Variants in SIK3 observed in about 807,000 individuals in gnomAD.
SIK3 encodes the protein serine/threonine-protein kinase SIK3.
In SIK3, 28 loss-of-function variants were observed where a neutral mutation model predicts 144.2. The observed-to-expected ratio is 0.19, with a 90% CI of 0.14 to 0.27. SIK3 has a LOEUF of 0.27. Among genes scored for constraint, SIK3 ranks in the 10% least tolerant of loss-of-function variants. SIK3 has a pLI of 1.00. For missense variants in SIK3, 1,319 were observed against 1,776.0 expected (o/e 0.74, Z 4.62); for synonymous variants, 686 against 676.3 (o/e 1.01, Z -0.22).
intron 6 of SIK3, among the ~76,000 whole-genome samples, chr11:116,881,880 T>A (rs1944570206): frequency 6.6e-6 from 1 of 152,204 alleles, no homozygotes; most frequent in South Asian, 2.1e-4. Context: ...AATACTATTA[T>A]CTCAATTTTA....
At chr11:117,055,455 T>C (rs1471593001) in intron 1 of SIK3, among the ~76,000 whole-genome samples, 2 of 152,226 alleles carry the variant, frequency 1.3e-5, no homozygotes, top group African/African-American at 2.4e-5. Flanking sequence ...AAGTAAATCA[T>C]TCCGTGTCTC....
intron 1 of SIK3, among the ~76,000 whole-genome samples, chr11:116,992,034 A>G (rs1950514504): frequency 6.6e-6 from 1 of 152,110 alleles, no homozygotes; most frequent in Non-Finnish European, 1.5e-5. Context: ...TACATACAAA[A>G]AACTCGTGGC....
intron 1 of SIK3, among the ~76,000 whole-genome samples, chr11:117,048,891 A>G (rs1440847174): frequency 3.3e-5 from 5 of 151,882 alleles, no homozygotes; most frequent in Non-Finnish European, 7.4e-5. Flanking sequence ...TCATGAGGTC[A>G]GGAGTTCGAG....
Position 117,001,575 on chromosome 11 carries a change from T to C in SIK3, c.274-44511A>G, listed in dbSNP as rs141396091. Among the ~76,000 whole-genome samples the C allele has an allele frequency of 4.9e-4, 75 of 152,172 alleles. No individual in the cohort carries two copies. In the East Asian group the frequency reaches 0.014, roughly 29 times the overall value. On this transcript the variant is annotated intron_variant, in intron 1 of 24. Coordinates refer to ENST00000445177, the MANE Select transcript of SIK3 (RefSeq NM_001366686.3). Reference sequence around the variant, plus strand: ...GGCTCACGTCTATAGTCCCAGCTACTTGGGAGGCTGAGACAAGAGAATCAC... The same window carrying C: ...GGCTCACGTCTATAGTCCCAGCTACCTGGGAGGCTGAGACAAGAGAATCAC...
At chr11:116,947,569 A>ATGTATGTAT (rs374241141) in intron 3 of SIK3, among the ~76,000 whole-genome samples, 34 of 109,448 alleles carry the variant, frequency 3.1e-4, no homozygotes, top group African/African-American at 1.0e-3. Context: ...GTATGTATGT[A>ATGTATGTAT]TTTTTTTTTT....
chr11:116,971,822 C>T (rs1949771933), intron 1 of SIK3, among the ~76,000 whole-genome samples: 2 of 152,112 alleles, frequency 1.3e-5, no homozygotes, highest in Admixed American at 6.6e-5. Flanking sequence ...GGCGTGGTGG[C>T]TCACGCCTGT....
intron 1 of SIK3, among the ~76,000 whole-genome samples, chr11:117,062,113 T>A (rs1057315362): frequency 9.9e-5 from 15 of 151,870 alleles, no homozygotes. Flanking sequence ...TCATTTGAGG[T>A]CAGGAGTTCA....
Position 116,894,348 on chromosome 11 carries a change from A to C in SIK3, c.865+1905T>G, listed in dbSNP as rs374650561. Among the ~76,000 whole-genome samples, 5 of 152,206 alleles carry C rather than the reference A, an allele frequency of 3.3e-5. 1 individual carries two copies. The highest frequency in any genetic ancestry group is 1.2e-4 in the African/African-American group (5 of 41,446). The stretch of plus-strand genomic sequence containing the variant: ...GATTCCAAACATACATCCCCAACCC[A>C]GAATTCTCTCCTAAATGCGACTGCC... On this transcript the variant is annotated intron_variant, in intron 6 of 24. Transcript: ENST00000445177.
chr11:116,857,909 A>T lies in SIK3; in HGVS notation c.3556T>A (p.Ser1186Thr). The change falls in exon 21 of 25, where the codon TCT (serine) becomes ACT (threonine). Residue 1186 changes from serine (S) to threonine (T), a missense_variant. Around this residue, in one of 8 missense-constraint regions of SIK3, gnomAD observed 646 missense variants for 763.7 expected, o/e 0.85. Coordinates refer to ENST00000445177, the MANE Select transcript of SIK3 (RefSeq NM_001366686.3). ...LSTGGPGDPE[S>T]LLGTVSHAQE... ...GCATGACTCACAGTTCCTAGCAAAG[A>T]TTCAGGGTCCCCAGGTCCACCGGTA... is the stretch of plus-strand genomic sequence containing the variant. 1 of 1,614,144 alleles carries T rather than the reference A, an allele frequency of 6.2e-7. No homozygotes were observed. The highest frequency in any genetic ancestry group is 8.5e-7 in the Non-Finnish European group (1 of 1,180,026).
In SIK3 at chr11:116,844,648, T is replaced by C. The variant is rs1424501463; in HGVS notation, c.*995A>G. ...ATATATAATATATTATATTATATAT[T>C]ATATATATAATATATATATACACAT... On this transcript the variant is annotated 3_prime_UTR_variant, in exon 25 of 25. Coordinates refer to ENST00000445177, the MANE Select transcript of SIK3 (RefSeq NM_001366686.3). The C allele has an allele frequency of 3.0e-5, 3 of 99,962 alleles. No individual in the cohort carries two copies. The highest frequency in any genetic ancestry group is 5.5e-5 in the Non-Finnish European group (3 of 54,186). The allele number at this position is 99,962 out of a possible 1,614,324, so 6.2% of individuals were successfully genotyped here.
rs1259439968 is a variant in SIK3, at chr11:117,098,212, G to A, written c.204C>T (p.Ile68=). Residue 68 remains isoleucine, a synonymous_variant, in exon 1 of 25, where the codon ATC becomes ATT. Transcript: ENST00000445177. Reference sequence around the variant, plus strand: ...AGTTGCCCTTGCCGATGGTGCGGTCGATCTCGTAGTAGCCGATACGGGCGG... The same window carrying A: ...AGTTGCCCTTGCCGATGGTGCGGTCAATCTCGTAGTAGCCGATACGGGCGG... ...PMPARIGYYE[I]DRTIGKGNFA... The A allele has an allele frequency of 2.0e-6, 3 of 1,515,228 alleles. No individual in the cohort carries two copies. The highest frequency in any genetic ancestry group is 2.7e-6 in the Non-Finnish European group (3 of 1,131,984). 93.9% of individuals were successfully genotyped at this position (1,515,228 alleles called of 1,614,324 possible).
intron 4 of SIK3, among the ~76,000 whole-genome samples, chr11:116,911,847 T>C (rs941703192): frequency 5.3e-5 from 8 of 152,192 alleles, no homozygotes; most frequent in African/African-American, 1.9e-4. Flanking sequence ...TTGATATCCC[T>C]TACTGCTTAT....
intron 11 of SIK3, among the ~76,000 whole-genome samples, chr11:116,874,339 A>G (rs1252846367): frequency 6.6e-6 from 1 of 152,230 alleles, no homozygotes; most frequent in Non-Finnish European, 1.5e-5. Flanking sequence ...AGTCCAGTTC[A>G]GGTTTTCAAA....
rs148156992 is a variant in SIK3, at chr11:116,913,352, T to C, written c.616+13867A>G. Among the ~76,000 whole-genome samples, 320 of 152,286 alleles carry C rather than the reference T, an allele frequency of 2.1e-3. 3 individuals are homozygous for C. The highest frequency in any genetic ancestry group is 7.1e-3 in the African/African-American group (296 of 41,550). On this transcript the variant is annotated intron_variant, in intron 4 of 24. Transcript: ENST00000445177. The stretch of plus-strand genomic sequence containing the variant: ...GGGGGAGATTTGGATCAGCATTATA[T>C]TGGCATTTCCAATGAGTGACTTATG...
At chr11:117,061,328 G>GTT (rs1047726056) in intron 1 of SIK3, among the ~76,000 whole-genome samples, 2 of 152,162 alleles carry the variant, frequency 1.3e-5, no homozygotes, top group Non-Finnish European at 2.9e-5. Context: ...GATAATGTCT[G>GTT]TTGTGTGTGT....
At chr11:116,969,780 C>T (rs1276987513) in intron 1 of SIK3, among the ~76,000 whole-genome samples, 1 of 152,166 alleles carries the variant, frequency 6.6e-6, no homozygotes, top group African/African-American at 2.4e-5. Flanking sequence ...GAGTATCCAT[C>T]CTGGTTACAG....
intron 6 of SIK3, among the ~76,000 whole-genome samples, chr11:116,889,633 CA>C (rs1329127099): frequency 1.3e-5 from 2 of 152,032 alleles, no homozygotes; most frequent in Admixed American, 1.3e-4. Context: ...CAGTGGCTCA[CA>C]CCTGTAATCC....
At chr11:117,013,907 G>GTGTGTGTGTGTGTGTGTGTGTGTGT in intron 1 of SIK3, among the ~76,000 whole-genome samples, 1 of 44,904 alleles carries the variant, frequency 2.2e-5, no homozygotes, top group East Asian at 4.8e-4. Context: ...TGAGGGGGGG[G>GTGTGTGTGTGTGTGTGTGTGTGTGT]GGGGGAGGGT....
chr11:116,918,327 C>G (rs925970710), intron 4 of SIK3, among the ~76,000 whole-genome samples: 3 of 152,176 alleles, frequency 2.0e-5, no homozygotes, highest in African/African-American at 7.2e-5. Flanking sequence ...GCTCAACTCC[C>G]TTTCCCTGTA....
Sources: allele counts gnomAD v4.1 joint callset (sites outside exome capture counted in the v4.1 genomes callset), GRCh38; gene constraint gnomAD v4.1.1; regional missense constraint gnomAD v4.1.1; transcripts MANE v1.5; gene names NCBI Gene and HGNC (gene_info 2026-07-23, HGNC 2026-07-21).